CSNK1G1: variants seen among roughly 807,000 people sequenced by gnomAD.
CSNK1G1 encodes casein kinase 1 gamma 1, also known as casein kinase I isoform gamma-1.
CSNK1G1 carries 22 observed loss-of-function variants against 59.6 expected under a neutral mutation model. The ratio of observed to expected loss-of-function variants is 0.37; its 90% CI spans 0.26 to 0.53. The LOEUF (loss-of-function observed/expected upper bound fraction) is 0.53. CSNK1G1 is among the 20% of genes least tolerant of loss of function. The pLI, the probability that CSNK1G1 is intolerant of heterozygous loss-of-function variation, is 0.89. For missense variants in CSNK1G1, 384 were observed against 519.5 expected (o/e 0.74, Z 2.54); for synonymous variants, 179 against 177.1 (o/e 1.01, Z -0.08).
chr15:64,307,564 C>T (rs981304355), intron 1 of CSNK1G1, among the ~76,000 whole-genome samples: 2 of 152,226 alleles, frequency 1.3e-5, no homozygotes, highest in East Asian at 1.9e-4. Context: ...GTATACACTA[C>T]TGTATTTCAT....
chr15:64,272,614 G>A (rs1277870899), intron 2 of CSNK1G1, among the ~76,000 whole-genome samples: 1 of 152,158 alleles, frequency 6.6e-6, no homozygotes, highest in East Asian at 1.9e-4. Flanking sequence ...TTGTTAGCTG[G>A]TTATTATGCT....
chr15:64,196,611 C>T (rs983870323), intron 10 of CSNK1G1, among the ~76,000 whole-genome samples: 4 of 152,032 alleles, frequency 2.6e-5, no homozygotes, highest in South Asian at 2.1e-4. Flanking sequence ...ACCACCATGC[C>T]GGGCTAATTT....
intron 1 of CSNK1G1, among the ~76,000 whole-genome samples, chr15:64,302,383 G>T (rs181692624): frequency 6.6e-6 from 1 of 152,094 alleles, no homozygotes; most frequent in Non-Finnish European, 1.5e-5. Flanking sequence ...TTACAGGCGT[G>T]AGCCACCATG....
At chr15:64,193,509 T>C (rs947182356) in intron 10 of CSNK1G1, among the ~76,000 whole-genome samples, 7 of 94,924 alleles carry the variant, frequency 7.4e-5, no homozygotes, top group African/African-American at 3.1e-4. Context: ...AAAAAGTATA[T>C]ACTTGAACAA....
At chr15:64,213,805 G>A (rs1241831014) in intron 6 of CSNK1G1, 85 bp downstream of exon 6, 2 of 914,638 alleles carry the variant, frequency 2.2e-6, no homozygotes, top group Admixed American at 4.4e-5. Flanking sequence ...ACCACAAGTT[G>A]TAATGCACAA....
At chr15:64,215,374 A>G (rs2082298975) in intron 5 of CSNK1G1, among the ~76,000 whole-genome samples, 1 of 151,818 alleles carries the variant, frequency 6.6e-6, no homozygotes, top group Admixed American at 6.6e-5. Context: ...CACCACGCCC[A>G]GCTAATTTTT....
At chr15:64,272,277 G>A (rs1243633156) in intron 2 of CSNK1G1, among the ~76,000 whole-genome samples, 6 of 151,434 alleles carry the variant, frequency 4.0e-5, no homozygotes, top group African/African-American at 9.7e-5. Flanking sequence ...GTGCAGTGGC[G>A]CAATCTCGGC....
chr15:64,210,523 C>G lies in CSNK1G1; in HGVS notation c.680-2929G>C, dbSNP rs1340564767. The stretch of plus-strand genomic sequence containing the variant: ...CAATACCAGTGAGACCAGCAGGACA[C>G]AAAATTCTTCAATTCTTCTGATTGG... On this transcript the variant is annotated intron_variant, in intron 6 of 11. Coordinates refer to ENST00000303052, the MANE Select transcript of CSNK1G1 (RefSeq NM_022048.5). This position sits in a 1 kb window ranked among gnomAD's most constrained non-coding sequence, Gnocchi z 4.2. 6.6e-6 allele frequency among the ~76,000 whole-genome samples: 1 copy of G among 152,064 alleles called. No homozygotes were observed. The highest frequency in any genetic ancestry group is 1.5e-5 in the Non-Finnish European group (1 of 68,012).
Position 64,270,658 on chromosome 15 carries a change from G to A in CSNK1G1, c.182-11417C>T, listed in dbSNP as rs541756630. 4.4e-3 allele frequency among the ~76,000 whole-genome samples: 666 copies of A among 151,960 alleles called. 4 individuals are homozygous for A. Among genetic ancestry groups the A allele is most frequent in the Non-Finnish European group, 7.8e-3 (533 of 67,974 alleles). On this transcript the variant is annotated intron_variant, in intron 2 of 11. Transcript: ENST00000303052. ...GCCTGTAGTCCCAGCTACTCGGGAG[G>A]CTAAGGCAGGAACATGGCGTGAACC...
intron 4 of CSNK1G1, among the ~76,000 whole-genome samples, chr15:64,217,950 C>T (rs899182883): frequency 6.6e-6 from 1 of 152,000 alleles, no homozygotes; most frequent in Non-Finnish European, 1.5e-5. Context: ...TTGCTTCTGC[C>T]TCTAAGTGTT....
chr15:64,351,875 A>C lies in CSNK1G1; in HGVS notation c.-225+4113T>G, dbSNP rs190303666. Among the ~76,000 whole-genome samples, 4 of 152,316 alleles carry C rather than the reference A, an allele frequency of 2.6e-5. No individual in the cohort carries two copies. In the East Asian group the frequency reaches 7.7e-4, roughly 29 times the overall value. ...GTAACAGAAACTCCGTCTCAAAAAC[A>C]AAAAAGATTTTTAAAAATATTAATA... On this transcript the variant is annotated intron_variant, in intron 1 of 11. Coordinates refer to ENST00000303052, the MANE Select transcript of CSNK1G1 (RefSeq NM_022048.5).
At position 64,333,433 on chromosome 15, in the gene CSNK1G1, C is replaced by CAAAAAAAAAAAA. The variant is rs59451869; in HGVS notation, c.-225+22543_-225+22554dup. Among the ~76,000 whole-genome samples, 4 of 23,086 alleles carry CAAAAAAAAAAAA rather than the reference C, an allele frequency of 1.7e-4. 2 individuals carry two copies. Among genetic ancestry groups the CAAAAAAAAAAAA allele is most frequent in the African/African-American group, 4.8e-4 (2 of 4,154 alleles). The allele number at this position is 23,086 out of a possible 152,430, so 15.1% of individuals were successfully genotyped here. On this transcript the variant is annotated intron_variant, in intron 1 of 11. Transcript: ENST00000303052. ...TGGGCAACACAGTGAGACACCATCT[C>CAAAAAAAAAAAA]AAAAAAAAAAAAAAAAAAAAAAAAA...
At chr15:64,338,063 T>C (rs1285114242) in intron 1 of CSNK1G1, among the ~76,000 whole-genome samples, 1 of 152,204 alleles carries the variant, frequency 6.6e-6, no homozygotes, top group Non-Finnish European at 1.5e-5. Flanking sequence ...GTTATAAAGG[T>C]ACTGTACAAA....
chr15:64,238,705 G>A (rs992633466), intron 4 of CSNK1G1, among the ~76,000 whole-genome samples: 5 of 151,360 alleles, frequency 3.3e-5, no homozygotes, highest in Middle Eastern at 3.2e-3. Flanking sequence ...CAGCTATGGC[G>A]TGTATTCTGA....
In CSNK1G1 at chr15:64,174,509, A is replaced by C. The variant is rs1281061096; in HGVS notation, c.1215-2524T>G. On this transcript the variant is annotated intron_variant, in intron 11 of 11. Coordinates refer to ENST00000303052, the MANE Select transcript of CSNK1G1 (RefSeq NM_022048.5). Reference sequence around the variant, plus strand: ...CTGGGTCAGACTCTAGACCAAGTCCACTGATTGACTTTCAGATGTGTTCCT... The same window carrying C: ...CTGGGTCAGACTCTAGACCAAGTCCCCTGATTGACTTTCAGATGTGTTCCT... Among the ~76,000 whole-genome samples, 5 of 152,240 alleles carry C rather than the reference A, an allele frequency of 3.3e-5. No homozygotes were observed. The East Asian group carries it at 9.6e-4, about 29-fold the overall frequency.
At chr15:64,258,314 C>T (rs1892503761) in intron 3 of CSNK1G1, among the ~76,000 whole-genome samples, 1 of 150,824 alleles carries the variant, frequency 6.6e-6, no homozygotes, top group Non-Finnish European at 1.5e-5. Context: ...GCCCAGGAGG[C>T]GGAGGTTGCA....
intron 11 of CSNK1G1, among the ~76,000 whole-genome samples, chr15:64,178,537 G>A (rs1467489726): frequency 6.1e-5 from 9 of 148,690 alleles, no homozygotes; most frequent in Admixed American, 2.0e-4. Context: ...GATGGAGTGC[G>A]GTGGCACAAT....
At chr15:64,310,948 T>C (rs961545021) in intron 1 of CSNK1G1, among the ~76,000 whole-genome samples, 2 of 141,712 alleles carry the variant, frequency 1.4e-5, no homozygotes, top group African/African-American at 5.3e-5. Context: ...GAAGTTGCAG[T>C]GAGCAGAGAT....
intron 1 of CSNK1G1, among the ~76,000 whole-genome samples, chr15:64,317,600 C>T (rs879494576): frequency 2.8e-5 from 4 of 144,600 alleles, no homozygotes; most frequent in East Asian, 2.0e-4. Context: ...AACAGGGTTT[C>T]GTTGTGTTGG....
Sources: gnomAD v4.1 joint callset for allele counts (sites outside exome capture counted in the v4.1 genomes callset) on GRCh38, gnomAD v4.1.1 for gene constraint, Gnocchi (gnomAD v3.1) non-coding constraint, MANE v1.5 for transcripts, NCBI Gene and HGNC (gene_info 2026-07-23, HGNC 2026-07-21) for gene names.